Variants in DNMBP observed in about 807,000 individuals in gnomAD.
The protein encoded by DNMBP is dynamin binding protein, also known as dynamin-binding protein.
Under a neutral mutation model 150.0 loss-of-function variants are expected in DNMBP, and 87 were observed. That is an observed-to-expected ratio of 0.58 (90% CI 0.49 to 0.69). The LOEUF is 0.69. Ranked by LOEUF, DNMBP falls within the 30% of genes least tolerant of loss-of-function variation. The pLI, the probability that DNMBP is intolerant of heterozygous loss-of-function variation, is 0.00. For missense variants in DNMBP, 1,774 were observed against 1,949.0 expected (o/e 0.91, Z 1.69); for synonymous variants, 711 against 750.4 (o/e 0.95, Z 0.86).
At chr10:99,947,422 C>T (rs1284961901) in intron 4 of DNMBP, among the ~76,000 whole-genome samples, 2 of 152,148 alleles carry the variant, frequency 1.3e-5, no homozygotes, top group African/African-American at 4.8e-5. Flanking sequence ...AACATGGATG[C>T]AGCTGGAGGC....
At chr10:99,914,067 G>T in intron 4 of DNMBP, 1 of 1,438,190 alleles carries the variant, frequency 7.0e-7, no homozygotes, top group Non-Finnish European at 9.2e-7. Context: ...CCTTTGAATA[G>T]GGTCGGCATT....
chr10:99,891,177 C>G (rs955793130), intron 11 of DNMBP, among the ~76,000 whole-genome samples: 1 of 147,646 alleles, frequency 6.8e-6, no homozygotes, highest in African/African-American at 2.5e-5. Context: ...CCTCTCCCTC[C>G]CCCTCTCCCT....
chr10:99,971,667 C>T (rs11190348), intron 2 of DNMBP, among the ~76,000 whole-genome samples: 10,876 of 151,896 alleles, frequency 0.072, 594 homozygotes, highest in African/African-American at 0.15. Context: ...ATTACAGGCA[C>T]GCGCCACCAC....
intron 1 of DNMBP, among the ~76,000 whole-genome samples, chr10:99,990,832 CAT>C (rs570913936): frequency 1.4e-3 from 119 of 82,350 alleles, no homozygotes; most frequent in African/African-American, 4.6e-3. Flanking sequence ...TACACATATA[CAT>C]ATACACACAC....
chr10:99,881,564 T>A (rs1370197993), intron 15 of DNMBP, among the ~76,000 whole-genome samples: 2 of 152,236 alleles, frequency 1.3e-5, no homozygotes, highest in African/African-American at 2.4e-5. Context: ...TGATCTTTGA[T>A]GCATTTCCTG....
At chr10:99,897,956 C>T in intron 9 of DNMBP, 130 bp downstream of exon 9, 2 of 713,118 alleles carry the variant, frequency 2.8e-6, no homozygotes, top group South Asian at 3.7e-5. Context: ...CAAATTCTAC[C>T]ATTTCTTCAT....
In DNMBP at chr10:99,937,514, T is replaced by A. The variant is rs1442383634; in HGVS notation, c.2260+17700A>T. On this transcript the variant is annotated intron_variant, in intron 4 of 16. Coordinates refer to ENST00000324109, the MANE Select transcript of DNMBP (RefSeq NM_015221.4). ...CAGTTTGAACCCAGATCTGTTTGAT[T>A]TCATGGCACTAGACTAAGAAGAATA... 2.6e-5 allele frequency among the ~76,000 whole-genome samples: 4 copies of A among 152,334 alleles called. No homozygotes were observed. In the South Asian group the frequency reaches 6.2e-4, roughly 24 times the overall value.
intron 4 of DNMBP, among the ~76,000 whole-genome samples, chr10:99,912,043 C>T (rs895358014): frequency 6.6e-5 from 10 of 152,170 alleles, no homozygotes; most frequent in African/African-American, 2.4e-4. Flanking sequence ...TATCCCTGAA[C>T]TCATTTAATA....
At chr10:99,950,755 G>A (rs1165977480) in intron 4 of DNMBP, among the ~76,000 whole-genome samples, 1 of 152,214 alleles carries the variant, frequency 6.6e-6, no homozygotes, top group East Asian at 1.9e-4. Flanking sequence ...CATGCAAGAG[G>A]TGACTTGGGT....
At chr10:100,003,569 G>C (rs2041038630) in intron 1 of DNMBP, among the ~76,000 whole-genome samples, 1 of 152,176 alleles carries the variant, frequency 6.6e-6, no homozygotes, top group African/African-American at 2.4e-5. Flanking sequence ...TGGATGGAAT[G>C]AGTTACTATT....
intron 11 of DNMBP, among the ~76,000 whole-genome samples, chr10:99,891,590 G>A (rs189021433): frequency 0.052 from 7,876 of 151,204 alleles, 299 homozygotes; most frequent in South Asian, 0.14. Flanking sequence ...CTGCCCGGCC[G>A]CCACCCCGTC....
At chr10:99,895,825 T>C (rs536723422) in intron 10 of DNMBP, among the ~76,000 whole-genome samples, 111 of 152,354 alleles carry the variant, frequency 7.3e-4, no homozygotes, top group Non-Finnish European at 1.3e-3. Context: ...ATATTTTCCA[T>C]GAATTGTACC....
intron 4 of DNMBP, among the ~76,000 whole-genome samples, chr10:99,920,152 C>T (rs1454987885): frequency 6.6e-6 from 1 of 151,650 alleles, no homozygotes; most frequent in South Asian, 2.1e-4. Context: ...CTCGCCTCAC[C>T]GCAACCTCCG....
intron 15 of DNMBP, 59 bp from the exon 16 acceptor site, chr10:99,880,420 G>C (rs1322267612): frequency 6.8e-6 from 10 of 1,462,572 alleles, no homozygotes; most frequent in South Asian, 1.4e-5. Context: ...GACAGACAGA[G>C]GGAGCATTGA....
intron 3 of DNMBP, among the ~76,000 whole-genome samples, chr10:99,962,912 A>G (rs12354453): frequency 0.014 from 2,101 of 152,342 alleles, 20 homozygotes; most frequent in Non-Finnish European, 0.023. Context: ...TTTCAACAGG[A>G]TAACTGTTTT....
At chr10:99,891,707 C>A (rs1438952127) in intron 11 of DNMBP, among the ~76,000 whole-genome samples, 2 of 148,648 alleles carry the variant, frequency 1.3e-5, no homozygotes, top group Non-Finnish European at 3.0e-5. Flanking sequence ...TGCCCGGCCG[C>A]CATCCCACCT....
chr10:99,969,370 G>T, intron 2 of DNMBP, 133 bp from the exon 3 acceptor site: 1 of 855,686 alleles, frequency 1.2e-6, no homozygotes. Context: ...CTCATAATTG[G>T]AGAATCTGTT....
chr10:99,938,342 C>G (rs1167341219), intron 4 of DNMBP, among the ~76,000 whole-genome samples: 1 of 151,874 alleles, frequency 6.6e-6, no homozygotes, highest in Non-Finnish European at 1.5e-5. Flanking sequence ...TCAGAAGTTC[C>G]AAACCAGCCT....
At chr10:99,973,981 A>T (rs1385770144) in intron 1 of DNMBP, among the ~76,000 whole-genome samples, 1 of 152,124 alleles carries the variant, frequency 6.6e-6, no homozygotes, top group Non-Finnish European at 1.5e-5. Flanking sequence ...TGAGACTCAG[A>T]AAAGGAAAAA....
Sources: allele counts gnomAD v4.1 joint callset (sites outside exome capture counted in the v4.1 genomes callset), GRCh38; gene constraint gnomAD v4.1.1; transcripts MANE v1.5; gene names NCBI Gene and HGNC (gene_info 2026-07-23, HGNC 2026-07-21).